CLTRN: variants seen among roughly 807,000 people sequenced by gnomAD.
CLTRN encodes the protein collectrin, amino acid transport regulator.
In CLTRN, 12 loss-of-function variants were observed where a neutral mutation model predicts 14.5. That is an observed-to-expected ratio of 0.83 (90% CI 0.53 to 1.34). The LOEUF (loss-of-function observed/expected upper bound fraction) is 1.34. CLTRN is among the 40% of genes most tolerant of loss of function. The probability of loss-of-function intolerance (pLI) is 0.00; values close to 1 mark genes in which losing one functional copy is unlikely to be tolerated. For synonymous variants in CLTRN, 58 were observed against 56.5 expected (o/e 1.03, Z -0.12); for missense variants, 154 against 165.1 (o/e 0.93, Z 0.37).
intron 3 of CLTRN, among the ~76,000 whole-genome samples, chrX:15,651,374 T>C (rs766790259): frequency 6.3e-5 from 7 of 110,837 alleles, no homozygotes; most frequent in Admixed American, 2.9e-4. Flanking sequence ...GAGTCTTGAG[T>C]CCACCAGAGC....
At chrX:15,646,301 C>T (rs997975565) in intron 3 of CLTRN, 4 of 251,793 alleles carry the variant, frequency 1.6e-5, no homozygotes, top group Non-Finnish European at 3.1e-5. Flanking sequence ...CCAAAGGTCG[C>T]TGGTCACTGA....
intron 3 of CLTRN, among the ~76,000 whole-genome samples, chrX:15,649,902 A>T (rs1217081117): frequency 9.2e-6 from 1 of 108,538 alleles, no homozygotes; most frequent in African/African-American, 3.4e-5. Context: ...TAGTAGAAAA[A>T]GTGAACCAAC....
At chrX:15,639,144 T>A (rs1209780279) in intron 5 of CLTRN, among the ~76,000 whole-genome samples, 1 of 111,935 alleles carries the variant, frequency 8.9e-6, no homozygotes, top group Non-Finnish European at 1.9e-5. Context: ...CTGCATGCAC[T>A]GGACTAAGAA....
intron 4 of CLTRN, among the ~76,000 whole-genome samples, chrX:15,641,451 T>A (rs1249310155): frequency 8.9e-6 from 1 of 112,128 alleles, no homozygotes; most frequent in Non-Finnish European, 1.9e-5. Flanking sequence ...GTCCAATATA[T>A]CCAAGAAAAT....
intron 5 of CLTRN, among the ~76,000 whole-genome samples, chrX:15,635,392 T>G (rs1424350862): frequency 1.8e-5 from 2 of 112,038 alleles, no homozygotes; most frequent in African/African-American, 6.5e-5. Context: ...TTTGCATTTT[T>G]AAAAAGTGTT....
In CLTRN at chrX:15,673,214, G is replaced by A. The variant is rs757934954; in HGVS notation, c.-506+1775C>T. 3.5e-5 allele frequency among the ~76,000 whole-genome samples: 4 copies of A among 112,700 alleles called. No individual in the cohort carries two copies. The East Asian group carries it at 1.1e-3, about 31-fold the overall frequency. ...AAAATCCTGATTGATTGGTTTTTAT[G>A]AACACCGTAAAACTTTAAAATACTT... On this transcript the variant is annotated intron_variant, in intron 1 of 6. Transcript: ENST00000650271.
Position 15,664,406 on chromosome X carries a change from A to T in CLTRN, c.59-11T>A. Reference sequence around the variant, plus strand: ...AAGCATTTTCTGCACCTGCCAGAAAAGAAAAAAGAAAGAGCAGTATATGAT... The same window carrying T: ...AAGCATTTTCTGCACCTGCCAGAAATGAAAAAAGAAAGAGCAGTATATGAT... On this transcript the variant is annotated splice_polypyrimidine_tract_variant and intron_variant, in intron 1 of 5. Transcript: ENST00000380342. 8.5e-7 allele frequency: 1 copy of T among 1,172,178 alleles called. No individual in the cohort carries two copies. The highest frequency in any genetic ancestry group is 1.1e-6 in the Non-Finnish European group (1 of 870,529).
chrX:15,672,718 T>A (rs1461168993), intron 1 of CLTRN, among the ~76,000 whole-genome samples: 2 of 111,386 alleles, frequency 1.8e-5, no homozygotes, highest in African/African-American at 6.5e-5. Flanking sequence ...GCACAAGAGA[T>A]CCCTATTACT....
At chrX:15,663,072 A>G (rs987375820) in intron 2 of CLTRN, among the ~76,000 whole-genome samples, 2 of 111,745 alleles carry the variant, frequency 1.8e-5, no homozygotes, top group Non-Finnish European at 3.8e-5. Flanking sequence ...CTCATGCTTC[A>G]GACATCACAG....
intron 3 of CLTRN, among the ~76,000 whole-genome samples, chrX:15,645,499 C>G (rs1461562801): frequency 8.9e-6 from 1 of 111,996 alleles, no homozygotes; most frequent in African/African-American, 3.3e-5. Flanking sequence ...TGTCTCTCTT[C>G]CACCCCAGCA....
chrX:15,646,662 C>T (rs184481787), intron 3 of CLTRN: 108 of 339,893 alleles, frequency 3.2e-4, no homozygotes, highest in South Asian at 6.0e-4. Context: ...CGCCCGCATC[C>T]GCGTCCTGAG....
At chrX:15,630,536 T>C (rs1928670873) in intron 5 of CLTRN, among the ~76,000 whole-genome samples, 1 of 112,596 alleles carries the variant, frequency 8.9e-6, no homozygotes, top group South Asian at 3.6e-4. Context: ...TCCAATTCTG[T>C]AGATCCCAAT....
chrX:15,627,433 T>A lies in CLTRN; in HGVS notation c.*538A>T, dbSNP rs1928588841. The A allele has an allele frequency of 8.9e-6, 1 of 112,421 alleles. No individual in the cohort carries two copies. The highest frequency in any genetic ancestry group is 1.9e-5 in the Non-Finnish European group (1 of 53,185). The allele number at this position is 112,421 out of a possible 1,213,427, so 9.3% of individuals were successfully genotyped here. Reference sequence around the variant, plus strand: ...CTATTAGGGGCTGATATTCAGAAAATATATAATCAACTGTTGGTGTGATAA... The same window carrying A: ...CTATTAGGGGCTGATATTCAGAAAAAATATAATCAACTGTTGGTGTGATAA... On this transcript the variant is annotated 3_prime_UTR_variant, in exon 6 of 6. Transcript: ENST00000380342.
chrX:15,661,975 A>G (rs1266821825), intron 2 of CLTRN, among the ~76,000 whole-genome samples: 1 of 111,721 alleles, frequency 9.0e-6, no homozygotes, highest in Non-Finnish European at 1.9e-5. Context: ...CACTCAAACC[A>G]TGGCTAACCC....
intron 5 of CLTRN, 44 bp from the exon 6 acceptor site, chrX:15,628,171 T>TATGC: frequency 1.0e-6 from 1 of 969,815 alleles, no homozygotes; most frequent in Non-Finnish European, 1.3e-6. Context: ...AGAAGGACCA[T>TATGC]AACCATGGTT....
upstream of CLTRN, chrX:15,675,417 TCG>T (rs1340421248): frequency 3.3e-5 from 3 of 89,649 alleles, no homozygotes; most frequent in Non-Finnish European, 4.3e-5. Context: ...GAGACGTGCC[TCG>T]AACGTGGGGG....
intron 3 of CLTRN, among the ~76,000 whole-genome samples, chrX:15,653,486 C>G (rs1394522239): frequency 2.7e-5 from 3 of 111,181 alleles, no homozygotes; most frequent in Non-Finnish European, 5.7e-5. Context: ...TCCTCTTCCT[C>G]ACCATCACCT....
chrX:15,633,099 C>A (rs1195355678), intron 5 of CLTRN, among the ~76,000 whole-genome samples: 1 of 110,275 alleles, frequency 9.1e-6, no homozygotes, highest in African/African-American at 3.3e-5. Context: ...GATTGATGGA[C>A]TTTGAAATCA....
chrX:15,672,340 C>T (rs909012484), intron 1 of CLTRN, among the ~76,000 whole-genome samples: 2 of 111,609 alleles, frequency 1.8e-5, no homozygotes, highest in Non-Finnish European at 3.8e-5. Context: ...TAAGAGTTTT[C>T]TCATGATTTG....
Sources: gnomAD v4.1 joint callset for allele counts (sites outside exome capture counted in the v4.1 genomes callset) on GRCh38, gnomAD v4.1.1 for gene constraint, MANE v1.5 for transcripts, NCBI Gene and HGNC (gene_info 2026-07-23, HGNC 2026-07-21) for gene names.